Variants in DNM3 observed in about 807,000 individuals in gnomAD.
DNM3 encodes the protein dynamin 3.
A neutral mutation model predicts 101.6 loss-of-function variants in DNM3; 47 were observed. The ratio of observed to expected loss-of-function variants is 0.46; its 90% CI spans 0.37 to 0.59. DNM3 has a LOEUF of 0.59. Ranked by LOEUF, DNM3 falls within the 20% of genes least tolerant of loss-of-function variation. DNM3 has a pLI of 0.00. For missense variants in DNM3, 849 were observed against 1,085.7 expected (o/e 0.78, Z 3.06); for synonymous variants, 385 against 387.9 (o/e 0.99, Z 0.09).
At chr1:172,200,948 T>TGGCAC (rs2060131348) in intron 14 of DNM3, among the ~76,000 whole-genome samples, 1 of 152,180 alleles carries the variant, frequency 6.6e-6, no homozygotes, top group African/African-American at 2.4e-5. Context: ...TCTGGCCATT[T>TGGCAC]TAGTTACCAC....
rs755784371 is a variant in DNM3, at chr1:172,081,914, A to C, written c.1493+12A>C. ...ATTGGCTTCGCAAAGTACGTGAAACACTTGATGGCCACATGCATTCCTCCT... is the reference window on the plus strand; with the variant it reads ...ATTGGCTTCGCAAAGTACGTGAAACCCTTGATGGCCACATGCATTCCTCCT... On this transcript the variant is annotated intron_variant, in intron 12 of 20. Coordinates refer to ENST00000627582, the MANE Select transcript of DNM3 (RefSeq NM_015569.5). 6.2e-7 allele frequency: 1 copy of C among 1,611,324 alleles called. No homozygotes were observed. Among genetic ancestry groups the C allele is most frequent in the Non-Finnish European group, 8.5e-7 (1 of 1,178,630 alleles).
chr1:172,051,935 G>C (rs1338024038), intron 10 of DNM3, among the ~76,000 whole-genome samples: 1 of 152,100 alleles, frequency 6.6e-6, no homozygotes, highest in East Asian at 1.9e-4. Flanking sequence ...GGAGATAATT[G>C]TCTATTTGTG....
chr1:172,075,088 T>C (rs1240724128), intron 11 of DNM3, among the ~76,000 whole-genome samples: 3 of 152,336 alleles, frequency 2.0e-5, no homozygotes, highest in Non-Finnish European at 4.4e-5. Context: ...AGCTTTTTTT[T>C]CATATGTTTG....
At chr1:171,899,045 C>T (rs993821612) in intron 1 of DNM3, among the ~76,000 whole-genome samples, 1 of 152,198 alleles carries the variant, frequency 6.6e-6, no homozygotes, top group Non-Finnish European at 1.5e-5. Flanking sequence ...TTCCTCTTAG[C>T]CCCTCCGGAC....
At chr1:172,054,002 T>C (rs1163233060) in intron 10 of DNM3, among the ~76,000 whole-genome samples, 3 of 152,194 alleles carry the variant, frequency 2.0e-5, no homozygotes, top group African/African-American at 7.2e-5. Context: ...ATGAATACTT[T>C]CACTGGAGTA....
At position 172,038,329 on chromosome 1, in the gene DNM3, A is replaced by G. The variant is rs1419809853; in HGVS notation, c.860A>G (p.Asn287Ser). 6 of 1,613,136 alleles carry G rather than the reference A, an allele frequency of 3.7e-6. No homozygotes were observed. Among genetic ancestry groups the G allele is most frequent in the South Asian group, 1.1e-5 (1 of 91,058 alleles). The change falls in exon 7 of 21, where the codon AAC (asparagine) becomes AGC (serine). Residue 287 changes from asparagine to serine, a missense_variant. Coordinates refer to ENST00000627582, the MANE Select transcript of DNM3 (RefSeq NM_015569.5). ...LQKVLNQQLTNHIRDTLPNFR... is the reference protein window; with the variant it reads ...LQKVLNQQLTSHIRDTLPNFR... ...TTTTGTTTTGTTTAGCAACTTACCA[A>G]CCACATTCGGGATACCCTACCAAAC...
chr1:171,896,449 T>C (rs1571479275), intron 1 of DNM3, among the ~76,000 whole-genome samples: 1 of 152,360 alleles, frequency 6.6e-6, no homozygotes, highest in African/African-American at 2.4e-5. Context: ...TTGTCTATTA[T>C]TGGTGTATAG....
intron 1 of DNM3, among the ~76,000 whole-genome samples, chr1:171,890,131 A>G (rs1208111198): frequency 6.6e-6 from 1 of 152,214 alleles, no homozygotes; most frequent in Non-Finnish European, 1.5e-5. Context: ...AGTATGATGA[A>G]TGAATCAAAC....
rs368048507 is a variant in DNM3, at chr1:172,038,937, T to TG, written c.992+476_992+477insG. Among the ~76,000 whole-genome samples, 19 of 47,352 alleles carry TG rather than the reference T, an allele frequency of 4.0e-4. No individual in the cohort carries two copies. In the African/African-American group the frequency reaches 8.2e-3, roughly 21 times the overall value. 31.1% of individuals were successfully genotyped at this position (47,352 alleles called of 152,430 possible). A position where few individuals can be genotyped will look rare whatever the true frequency, so the allele number is the denominator to read the frequency against. On this transcript the variant is annotated intron_variant, in intron 7 of 20. Transcript: ENST00000627582. ...AAAAGTTCTAACAATAAGGCTGTAGTTTTTTTTTTTCCTTTTACATAATGA... is the reference window on the plus strand; with the variant it reads ...AAAAGTTCTAACAATAAGGCTGTAGTGTTTTTTTTTTCCTTTTACATAATGA...
At chr1:172,318,414 G>C (rs569123562) in intron 16 of DNM3, among the ~76,000 whole-genome samples, 1 of 152,118 alleles carries the variant, frequency 6.6e-6, no homozygotes, top group Non-Finnish European at 1.5e-5. Flanking sequence ...AGGAAATAAA[G>C]GGTATTCAAT....
intron 15 of DNM3, among the ~76,000 whole-genome samples, chr1:172,302,966 T>G (rs1396348642): frequency 6.6e-6 from 1 of 152,056 alleles, no homozygotes; most frequent in Non-Finnish European, 1.5e-5. Flanking sequence ...ACCAGAGCAC[T>G]TTTTCTCCTC....
chr1:172,220,417 A>G (rs2060865026), intron 14 of DNM3, among the ~76,000 whole-genome samples: 1 of 152,268 alleles, frequency 6.6e-6, no homozygotes, highest in Admixed American at 6.5e-5. Context: ...AATATGGAGA[A>G]TGGGGGAAAA....
rs1362252560 is a variant in DNM3 at position 172,224,108 on chromosome 1, T to A, written c.1660-29465T>A. 3.9e-5 allele frequency among the ~76,000 whole-genome samples: 6 copies of A among 152,260 alleles called. No individual in the cohort carries two copies. The East Asian group carries it at 1.2e-3, about 29-fold the overall frequency. On this transcript the variant is annotated intron_variant, in intron 14 of 20. Transcript: ENST00000627582. The stretch of plus-strand genomic sequence containing the variant: ...ATGCCTACCCCAATCCTACCCAACA[T>A]GCAAGACTCCTGTGGCTTTTCCTGA...
chr1:171,965,734 A>G (rs1179928532), intron 2 of DNM3, among the ~76,000 whole-genome samples: 2 of 151,738 alleles, frequency 1.3e-5, no homozygotes, highest in African/African-American at 2.4e-5. Context: ...AGCTGTCTGA[A>G]CCCCTTCAGT....
rs191523508 is a variant in DNM3, at chr1:172,350,132, T to C, written c.1893+26792T>C. Among the ~76,000 whole-genome samples, 12 of 152,330 alleles carry C rather than the reference T, an allele frequency of 7.9e-5. No homozygotes were observed. The East Asian group carries it at 1.7e-3, about 22-fold the overall frequency. On this transcript the variant is annotated intron_variant, in intron 17 of 20. Coordinates refer to ENST00000627582, the MANE Select transcript of DNM3 (RefSeq NM_015569.5). Reference sequence around the variant, plus strand: ...AATCCTGATAAGCCTACTAGGCATATACATATATATCCTTTTAACTAATCA... The same window carrying C: ...AATCCTGATAAGCCTACTAGGCATACACATATATATCCTTTTAACTAATCA...
At chr1:172,131,113 C>A in intron 13 of DNM3, 62 bp from the exon 14 acceptor site, 1 of 1,401,960 alleles carries the variant, frequency 7.1e-7, no homozygotes, top group Non-Finnish European at 1.0e-6. Flanking sequence ...TAGTCCAAGA[C>A]ATCTAATCTC....
At chr1:172,018,046 AGTATAT>A (rs2047566052) in intron 4 of DNM3, among the ~76,000 whole-genome samples, 1 of 151,948 alleles carries the variant, frequency 6.6e-6, no homozygotes, top group Non-Finnish European at 1.5e-5. Context: ...GTGTTAGCAT[AGTATAT>A]CTTTCCTCAT....
intron 13 of DNM3, among the ~76,000 whole-genome samples, chr1:172,099,792 G>C (rs1194332593): frequency 6.6e-6 from 1 of 152,196 alleles, no homozygotes; most frequent in Non-Finnish European, 1.5e-5. Context: ...TGGAGTAAGA[G>C]ATAACAGACA....
At chr1:171,958,834 T>G (rs1282931283) in intron 2 of DNM3, among the ~76,000 whole-genome samples, 1 of 152,246 alleles carries the variant, frequency 6.6e-6, no homozygotes, top group African/African-American at 2.4e-5. Context: ...CATTCGTTTC[T>G]AAGTACCACA....
Sources: allele counts gnomAD v4.1 joint callset (sites outside exome capture counted in the v4.1 genomes callset), GRCh38; gene constraint gnomAD v4.1.1; transcripts MANE v1.5; gene names NCBI Gene and HGNC (gene_info 2026-07-23, HGNC 2026-07-21).